PRKN: variants seen among roughly 807,000 people sequenced by gnomAD.
The protein encoded by PRKN is parkin RBR E3 ubiquitin protein ligase, also known as E3 ubiquitin-protein ligase parkin.
Under a neutral mutation model 59.5 loss-of-function variants are expected in PRKN, and 56 were observed. That is an observed-to-expected ratio of 0.94 (90% CI 0.76 to 1.18). PRKN has a LOEUF of 1.18. PRKN is among the 50% of genes most tolerant of loss of function. PRKN has a pLI of 0.00. For synonymous variants in PRKN, 250 were observed against 222.1 expected (o/e 1.13, Z -1.12); for missense variants, 657 against 596.4 (o/e 1.10, Z -1.06).
intron 6 of PRKN, among the ~76,000 whole-genome samples, chr6:161,830,548 G>A (rs1003161522): frequency 3.3e-5 from 5 of 150,664 alleles, no homozygotes; most frequent in African/African-American, 1.2e-4. Context: ...CCCCGCACCC[G>A]GCCCGCCTTT....
At chr6:162,384,664 A>AAAAC (rs1554311196) in intron 2 of PRKN, among the ~76,000 whole-genome samples, 13 of 122,048 alleles carry the variant, frequency 1.1e-4, no homozygotes, top group African/African-American at 3.9e-4. Context: ...AAAAAAAAAC[A>AAAAC]AAAAAAAAAA....
chr6:161,367,178 T>A (rs979975074), intron 10 of PRKN, among the ~76,000 whole-genome samples: 1 of 151,918 alleles, frequency 6.6e-6, no homozygotes, highest in African/African-American at 2.4e-5. Flanking sequence ...AGACGGGGTT[T>A]CACCATGTTA....
chr6:161,814,166 A>T (rs1380344326), intron 6 of PRKN, among the ~76,000 whole-genome samples: 1 of 152,212 alleles, frequency 6.6e-6, no homozygotes, highest in African/African-American at 2.4e-5. Context: ...CACTGGCTAC[A>T]CTGCTTTCTA....
intron 5 of PRKN, among the ~76,000 whole-genome samples, chr6:162,041,852 C>G (rs1784079392): frequency 6.6e-6 from 1 of 152,120 alleles, no homozygotes; most frequent in African/African-American, 2.4e-5. Context: ...TTCTTGGGAT[C>G]TGTCAGTTAC....
intron 4 of PRKN, among the ~76,000 whole-genome samples, chr6:162,152,014 C>T (rs1442759837): frequency 6.6e-6 from 1 of 152,142 alleles, no homozygotes; most frequent in Non-Finnish European, 1.5e-5. Context: ...CAATCCATTA[C>T]AAACAACAGA....
intron 2 of PRKN, among the ~76,000 whole-genome samples, chr6:162,407,503 C>T (rs1259729527): frequency 6.6e-6 from 1 of 152,116 alleles, no homozygotes; most frequent in Non-Finnish European, 1.5e-5. Context: ...AGATCACTAC[C>T]CATTAAAATC....
At chr6:161,643,834 CAAT>C (rs548321341) in intron 7 of PRKN, among the ~76,000 whole-genome samples, 103 of 152,250 alleles carry the variant, frequency 6.8e-4, no homozygotes, top group Non-Finnish European at 1.4e-3. Flanking sequence ...ATAATAACAA[CAAT>C]GACATTTACA....
At chr6:162,629,625 A>C (rs1783027369) in intron 1 of PRKN, among the ~76,000 whole-genome samples, 2 of 152,286 alleles carry the variant, frequency 1.3e-5, no homozygotes, top group Admixed American at 1.3e-4. Flanking sequence ...ACATTTTAAA[A>C]TTCTTCATTA....
intron 2 of PRKN, among the ~76,000 whole-genome samples, chr6:162,290,664 A>G (rs921878449): frequency 2.4e-4 from 37 of 152,288 alleles, no homozygotes; most frequent in African/African-American, 8.7e-4. Flanking sequence ...TATTTTTCAA[A>G]TGGAAAATTA....
chr6:161,477,677 T>C (rs1191492339), intron 9 of PRKN, among the ~76,000 whole-genome samples: 1 of 152,204 alleles, frequency 6.6e-6, no homozygotes, highest in East Asian at 1.9e-4. Flanking sequence ...AGAATACTTT[T>C]TAGAAATAAT....
At chr6:162,283,642 G>A (rs930023538) in intron 2 of PRKN, among the ~76,000 whole-genome samples, 3 of 152,128 alleles carry the variant, frequency 2.0e-5, no homozygotes, top group African/African-American at 7.2e-5. Flanking sequence ...ATGCCTCAAC[G>A]TCTGAGTAGC....
intron 9 of PRKN, among the ~76,000 whole-genome samples, chr6:161,411,550 G>A (rs1787541023): frequency 6.6e-6 from 1 of 152,158 alleles, no homozygotes; most frequent in African/African-American, 2.4e-5. Context: ...TGGCGACAGG[G>A]ATGCCTAAGA....
At chr6:161,763,880 C>T (rs528071116) in intron 7 of PRKN, among the ~76,000 whole-genome samples, 1 of 152,094 alleles carries the variant, frequency 6.6e-6, no homozygotes, top group Non-Finnish European at 1.5e-5. Context: ...AGGCCCATCA[C>T]GAGTCCCACT....
intron 1 of PRKN, among the ~76,000 whole-genome samples, chr6:162,482,156 G>T (rs867080073): frequency 1.3e-5 from 2 of 152,214 alleles, no homozygotes; most frequent in East Asian, 3.9e-4. Context: ...GGATAATTAG[G>T]TTATGTCCAA....
chr6:161,417,448 C>CAAAA lies in PRKN; in HGVS notation c.1084-30575_1084-30572dup, dbSNP rs397741750. Reference sequence around the variant, plus strand: ...CTGGCAACAGAGCCAGACGCCGTTTCAAAAAAAAAAAAAAAAAGTCATCTA... The same window carrying CAAAA: ...CTGGCAACAGAGCCAGACGCCGTTTCAAAAAAAAAAAAAAAAAAAAAGTCATCTA... On this transcript the variant is annotated intron_variant, in intron 9 of 11. Transcript: ENST00000366898. This position sits in a 1 kb window ranked among gnomAD's most constrained non-coding sequence, Gnocchi z 5.4. Among the ~76,000 whole-genome samples the CAAAA allele has an allele frequency of 2.8e-4, 32 of 112,886 alleles. No homozygotes were observed. Among genetic ancestry groups the CAAAA allele is most frequent in the African/African-American group, 5.4e-4 (15 of 27,938 alleles). 74.1% of individuals were successfully genotyped at this position (112,886 alleles called of 152,430 possible).
chr6:161,570,134 A>ATATAT (rs1332340408), intron 7 of PRKN, among the ~76,000 whole-genome samples: 6 of 132,686 alleles, frequency 4.5e-5, no homozygotes, highest in African/African-American at 1.9e-4. Flanking sequence ...TAAAAAAAAA[A>ATATAT]AAAAAAAAAA....
At chr6:162,664,161 G>T (rs550613914) in intron 1 of PRKN, among the ~76,000 whole-genome samples, 1 of 152,110 alleles carries the variant, frequency 6.6e-6, no homozygotes, top group African/African-American at 2.4e-5. Context: ...TTCTCTTCCT[G>T]TGTTAGTTTG....
chr6:162,364,525 T>C (rs1293167993), intron 2 of PRKN, among the ~76,000 whole-genome samples: 1 of 151,844 alleles, frequency 6.6e-6, no homozygotes, highest in African/African-American at 2.4e-5. Flanking sequence ...ACTTGGCAAG[T>C]GGGAGGTCAG....
intron 9 of PRKN, among the ~76,000 whole-genome samples, chr6:161,496,305 T>C (rs6937817): frequency 0.52 from 78,504 of 152,158 alleles, 22,425 homozygotes; most frequent in African/African-American, 0.77. Context: ...CCCAGTACCT[T>C]GGAATGAGAT....
Sources: gnomAD v4.1 joint callset for allele counts (sites outside exome capture counted in the v4.1 genomes callset) on GRCh38, gnomAD v4.1.1 for gene constraint, Gnocchi (gnomAD v3.1) non-coding constraint, MANE v1.5 for transcripts, NCBI Gene and HGNC (gene_info 2026-07-23, HGNC 2026-07-21) for gene names.